RAPGEF2: variants seen among roughly 807,000 people sequenced by gnomAD.
RAPGEF2 encodes Rap guanine nucleotide exchange factor 2.
In RAPGEF2, 54 loss-of-function variants were observed where a neutral mutation model predicts 186.7. That is an observed-to-expected ratio of 0.29 (90% CI 0.23 to 0.36). The LOEUF is 0.36. RAPGEF2 is among the 10% of genes least tolerant of loss of function. RAPGEF2 has a pLI of 1.00. For synonymous variants in RAPGEF2, 712 were observed against 705.9 expected (o/e 1.01, Z -0.14); for missense variants, 1,532 against 2,045.0 (o/e 0.75, Z 4.84).
chr4:159,105,247 A>T (rs755308847), intron 1 of RAPGEF2, among the ~76,000 whole-genome samples: 8 of 152,242 alleles, frequency 5.3e-5, no homozygotes, highest in Non-Finnish European at 1.2e-4. Context: ...CTTAAGACAA[A>T]TAAGCCCTCC....
intron 3 of RAPGEF2, among the ~76,000 whole-genome samples, chr4:159,200,430 C>G (rs532903588): frequency 6.6e-6 from 1 of 152,022 alleles, no homozygotes; most frequent in African/African-American, 2.4e-5. Flanking sequence ...AGTGCACCAC[C>G]GCACTCTGGC....
At chr4:159,198,261 TCTTTCTTTCC>T (rs879326200) in intron 3 of RAPGEF2, among the ~76,000 whole-genome samples, 6,368 of 71,856 alleles carry the variant, frequency 0.089, 475 homozygotes, top group African/African-American at 0.22. Flanking sequence ...TCTTTCTTTC[TCTTTCTTTCC>T]TTCTTTCTTT....
At chr4:159,307,799 C>G (rs565921721) in intron 8 of RAPGEF2, among the ~76,000 whole-genome samples, 1 of 151,954 alleles carries the variant, frequency 6.6e-6, no homozygotes, top group Non-Finnish European at 1.5e-5. Flanking sequence ...TGGTGAAACC[C>G]CATCTCTACT....
intron 8 of RAPGEF2, among the ~76,000 whole-genome samples, chr4:159,312,281 A>G (rs1026604711): frequency 2.6e-5 from 4 of 152,076 alleles, no homozygotes; most frequent in African/African-American, 7.2e-5. Flanking sequence ...TTATATAGAG[A>G]ACTGATAATA....
intron 4 of RAPGEF2, among the ~76,000 whole-genome samples, chr4:159,220,456 G>C (rs1751425001): frequency 6.6e-6 from 1 of 152,182 alleles, no homozygotes; most frequent in Non-Finnish European, 1.5e-5. Context: ...ATGTAGGTCA[G>C]TTGGTAGATT....
At position 159,359,985 on chromosome 4, in the gene RAPGEF2, G is replaced by C. The variant is rs1044658763; in HGVS notation, c.*1846G>C. ...CATACTTTTGATACTACTTGTACCT[G>C]TATGTCTTTTAGAAAGACATTGGTG... On this transcript the variant is annotated 3_prime_UTR_variant, in exon 30 of 30. Transcript: ENST00000691494. 4 of 152,154 alleles carry C rather than the reference G, an allele frequency of 2.6e-5. No homozygotes were observed. 9.4% of individuals were successfully genotyped at this position (152,154 alleles called of 1,614,324 possible).
intron 7 of RAPGEF2, chr4:159,268,048 C>CTTT (rs111542449): frequency 1.6e-6 from 2 of 1,244,522 alleles, no homozygotes; most frequent in Non-Finnish European, 2.1e-6. Flanking sequence ...TCCCTCCTCC[C>CTTT]TTTTTTTTTT....
intron 3 of RAPGEF2, 83 bp downstream of exon 3, chr4:159,193,339 G>A: frequency 1.4e-6 from 1 of 728,948 alleles, no homozygotes; most frequent in Non-Finnish European, 2.0e-6. Flanking sequence ...ATTAGTAACA[G>A]CTGGCTAAGT....
chr4:159,228,874 T>C (rs758422182), intron 4 of RAPGEF2, among the ~76,000 whole-genome samples: 63 of 152,366 alleles, frequency 4.1e-4, no homozygotes, highest in Non-Finnish European at 7.2e-4. Flanking sequence ...TTTATACTTA[T>C]ATTAAAATTT....
At chr4:159,172,308 C>T (rs768704154) in intron 1 of RAPGEF2, among the ~76,000 whole-genome samples, 1 of 152,162 alleles carries the variant, frequency 6.6e-6, no homozygotes, top group Non-Finnish European at 1.5e-5. Flanking sequence ...ATAACACTGG[C>T]CCTGAGGCAA....
intron 1 of RAPGEF2, among the ~76,000 whole-genome samples, chr4:159,106,127 G>T (rs756181545): frequency 2.0e-5 from 3 of 152,220 alleles, no homozygotes. Flanking sequence ...CTTGGCCTGG[G>T]CCAGCTACTA....
chr4:159,199,442 G>T (rs1341544347), intron 3 of RAPGEF2, among the ~76,000 whole-genome samples: 1 of 151,142 alleles, frequency 6.6e-6, no homozygotes, highest in Non-Finnish European at 1.5e-5. Flanking sequence ...GCCTACCATG[G>T]AAATTTGCAT....
intron 1 of RAPGEF2, among the ~76,000 whole-genome samples, chr4:159,180,001 G>T (rs1236874187): frequency 1.3e-5 from 2 of 152,150 alleles, no homozygotes; most frequent in Non-Finnish European, 2.9e-5. Context: ...GCCGATATGG[G>T]GCTTGGGTAA....
intron 3 of RAPGEF2, among the ~76,000 whole-genome samples, chr4:159,205,151 G>T (rs1409859387): frequency 2.0e-5 from 3 of 151,948 alleles, no homozygotes; most frequent in Non-Finnish European, 4.4e-5. Flanking sequence ...CATTTTTTCT[G>T]AAAGTTTTTC....
At chr4:159,195,406 G>C (rs1748531826) in intron 3 of RAPGEF2, among the ~76,000 whole-genome samples, 1 of 152,174 alleles carries the variant, frequency 6.6e-6, no homozygotes, top group African/African-American at 2.4e-5. Context: ...GGTTTGGATA[G>C]TATTGATGAT....
In RAPGEF2 at chr4:159,359,884, G is replaced by A. The variant is rs948953517; in HGVS notation, c.*1745G>A. 6.6e-6 allele frequency: 1 copy of A among 152,190 alleles called. No individual in the cohort carries two copies. Among genetic ancestry groups the A allele is most frequent in the East Asian group, 1.9e-4 (1 of 5,204 alleles). 9.4% of individuals were successfully genotyped at this position (152,190 alleles called of 1,614,324 possible). A position where few individuals can be genotyped will look rare whatever the true frequency, so the allele number is the denominator to read the frequency against. On this transcript the variant is annotated 3_prime_UTR_variant, in exon 30 of 30. Coordinates refer to ENST00000691494, the MANE Select transcript of RAPGEF2 (RefSeq NM_001394067.2). ...AATGTTATCTAAGCATTAAGTAATT[G>A]TAGAACATAGGACTGCTAATCTCAG...
At chr4:159,251,212 C>G (rs374470914) in intron 7 of RAPGEF2, among the ~76,000 whole-genome samples, 1 of 152,256 alleles carries the variant, frequency 6.6e-6, no homozygotes, top group African/African-American at 2.4e-5. Flanking sequence ...TGTCCGAGCC[C>G]CCCACCCTCC....
At chr4:159,308,813 G>A (rs889927909) in intron 8 of RAPGEF2, among the ~76,000 whole-genome samples, 3 of 152,146 alleles carry the variant, frequency 2.0e-5, no homozygotes, top group African/African-American at 4.8e-5. Flanking sequence ...TGGGAGTTGT[G>A]GGAGTTCCTG....
chr4:159,242,540 C>T (rs1411492032), intron 6 of RAPGEF2, among the ~76,000 whole-genome samples: 21 of 151,948 alleles, frequency 1.4e-4, no homozygotes, highest in Admixed American at 1.4e-3. Context: ...CACTAGCAAC[C>T]TGACTACTCC....
Sources: allele counts gnomAD v4.1 joint callset (sites outside exome capture counted in the v4.1 genomes callset), GRCh38; gene constraint gnomAD v4.1.1; transcripts MANE v1.5; gene names NCBI Gene and HGNC (gene_info 2026-07-23, HGNC 2026-07-21).